DEPTOR: variants seen among roughly 807,000 people sequenced by gnomAD.
DEPTOR encodes the protein DEP domain-containing mTOR-interacting protein.
A neutral mutation model predicts 41.6 loss-of-function variants in DEPTOR; 41 were observed. That is an observed-to-expected ratio of 0.98 (90% confidence interval 0.77 to 1.28). DEPTOR has a LOEUF of 1.28. Among genes scored for constraint, DEPTOR ranks in the 50% most tolerant of loss-of-function variants. The probability of loss-of-function intolerance (pLI) is 0.00; values close to 1 mark genes in which losing one functional copy is unlikely to be tolerated. For missense variants in DEPTOR, 514 were observed against 527.9 expected, an observed-to-expected ratio of 0.97 and a Z score of 0.26; for synonymous variants, 195 against 192.3, an observed-to-expected ratio of 1.01 and a Z score of -0.12.
intron 1 of DEPTOR, among the ~76,000 whole-genome samples, chr8:119,875,840 A>T (rs7001930): frequency 0.87 from 132,581 of 152,212 alleles, 57,911 homozygotes; most frequent in East Asian, 0.97. Flanking sequence ...AAGGTGCAGA[A>T]CCTGAACTAA....
intron 3 of DEPTOR, among the ~76,000 whole-genome samples, chr8:119,951,193 T>C (rs1828349208): frequency 6.6e-6 from 1 of 152,204 alleles, no homozygotes; most frequent in Non-Finnish European, 1.5e-5. Flanking sequence ...TGTTTTGGTA[T>C]CAATTTCTTC....
intron 8 of DEPTOR, among the ~76,000 whole-genome samples, chr8:120,029,408 T>C (rs779225403): frequency 2.0e-5 from 3 of 152,174 alleles, no homozygotes; most frequent in Non-Finnish European, 4.4e-5. Context: ...TATTTATTTA[T>C]TTATTGAGAC....
rs1001692850 is a variant in DEPTOR at position 119,995,469 on chromosome 8, C to T, written c.605-6056C>T. Among the ~76,000 whole-genome samples the T allele has an allele frequency of 9.2e-5, 14 of 151,758 alleles. 1 individual carries two copies. In the South Asian group the frequency reaches 2.5e-3, roughly 27 times the overall value. Reference sequence around the variant, plus strand: ...GGCCTGGTGGTAGGTGCCTATAATCCCAGCTACTTGGGGGACTAAGGCAGG... The same window carrying T: ...GGCCTGGTGGTAGGTGCCTATAATCTCAGCTACTTGGGGGACTAAGGCAGG... On this transcript the variant is annotated intron_variant, in intron 4 of 8. Coordinates refer to ENST00000286234, the MANE Select transcript of DEPTOR (RefSeq NM_022783.4).
At chr8:119,919,442 A>C (rs1320491031) in intron 1 of DEPTOR, among the ~76,000 whole-genome samples, 1 of 152,204 alleles carries the variant, frequency 6.6e-6, no homozygotes, top group South Asian at 2.1e-4. Context: ...ATTTTTATAT[A>C]TATTTGAATT....
chr8:119,982,807 G>A (rs563020487), intron 4 of DEPTOR, among the ~76,000 whole-genome samples: 6 of 152,298 alleles, frequency 3.9e-5, no homozygotes, highest in African/African-American at 1.4e-4. Context: ...TTTTATCTGG[G>A]AAGGGCAGTC....
intron 1 of DEPTOR, among the ~76,000 whole-genome samples, chr8:119,894,323 C>T (rs1220032852): frequency 6.6e-6 from 1 of 152,158 alleles, no homozygotes; most frequent in Non-Finnish European, 1.5e-5. Flanking sequence ...ACGTCGGCCT[C>T]CCAAGGTGCT....
chr8:119,943,688 C>G (rs1181756027), intron 3 of DEPTOR, among the ~76,000 whole-genome samples: 3 of 152,114 alleles, frequency 2.0e-5, no homozygotes, highest in Non-Finnish European at 4.4e-5. Flanking sequence ...ACTGGTCTCT[C>G]TCTACAATCC....
intron 8 of DEPTOR, among the ~76,000 whole-genome samples, chr8:120,014,873 C>T (rs1344406223): frequency 6.6e-6 from 1 of 150,872 alleles, no homozygotes; most frequent in Non-Finnish European, 1.5e-5. Context: ...TAAACGTTAA[C>T]GTTGGTTTCA....
Position 119,999,416 on chromosome 8 carries a change from G to T in DEPTOR, c.605-2109G>T, listed in dbSNP as rs543983720. ...ACATGCTGTATGAGGGCTAGCTCTT[G>T]TTATTACTGACTTCAAGTTGACACA... On this transcript the variant is annotated intron_variant, in intron 4 of 8. Transcript: ENST00000286234. Among the ~76,000 whole-genome samples the T allele has an allele frequency of 6.4e-4, 98 of 152,340 alleles. 1 individual carries two copies. Among genetic ancestry groups the T allele is most frequent in the African/African-American group, 2.2e-3 (91 of 41,582 alleles).
At chr8:120,020,112 G>C (rs1371749446) in intron 8 of DEPTOR, among the ~76,000 whole-genome samples, 1 of 151,996 alleles carries the variant, frequency 6.6e-6, no homozygotes, top group Non-Finnish European at 1.5e-5. Flanking sequence ...TTTTGAGACA[G>C]AGTCTCACTC....
intron 8 of DEPTOR, among the ~76,000 whole-genome samples, chr8:120,012,684 G>C (rs58564644): frequency 6.6e-6 from 1 of 151,614 alleles, no homozygotes; most frequent in South Asian, 2.1e-4. Context: ...CTACAGGCAC[G>C]CACCACCATG....
chr8:120,031,540 C>T (rs1313682403), intron 8 of DEPTOR, among the ~76,000 whole-genome samples: 2 of 151,758 alleles, frequency 1.3e-5, no homozygotes, highest in African/African-American at 4.8e-5. Flanking sequence ...GATTTCATGC[C>T]CATCCCTTCC....
intron 1 of DEPTOR, among the ~76,000 whole-genome samples, chr8:119,906,915 A>C (rs956286034): frequency 6.6e-6 from 1 of 152,148 alleles, no homozygotes; most frequent in Non-Finnish European, 1.5e-5. Flanking sequence ...TGTGCATTAC[A>C]TGGTGCCTGT....
chr8:119,890,739 T>C (rs954793805), intron 1 of DEPTOR, among the ~76,000 whole-genome samples: 1 of 152,196 alleles, frequency 6.6e-6, no homozygotes, highest in African/African-American at 2.4e-5. Flanking sequence ...ATTATCTCCA[T>C]TTTAAAATGG....
intron 5 of DEPTOR, among the ~76,000 whole-genome samples, 165 bp from the exon 6 acceptor site, chr8:120,002,812 A>ATATATATATAT (rs71306853): frequency 3.1e-5 from 4 of 130,102 alleles, no homozygotes; most frequent in Non-Finnish European, 4.8e-5. Context: ...ATATATATAT[A>ATATATATATAT]ATATAAAGTA....
intron 1 of DEPTOR, among the ~76,000 whole-genome samples, chr8:119,897,733 G>A (rs1227238003): frequency 6.6e-6 from 1 of 152,148 alleles, no homozygotes; most frequent in Non-Finnish European, 1.5e-5. Context: ...GGATCTGTTT[G>A]ATCTGCTTGC....
intron 6 of DEPTOR, among the ~76,000 whole-genome samples, chr8:120,004,012 C>T (rs562227959): frequency 2.0e-5 from 3 of 152,308 alleles, no homozygotes; most frequent in East Asian, 3.9e-4. Flanking sequence ...TTGTCACCTT[C>T]GAGGAAGAGG....
At chr8:119,874,010 C>G in intron 1 of DEPTOR, 42 bp downstream of exon 1, 1 of 1,610,960 alleles carries the variant, frequency 6.2e-7, no homozygotes, top group Non-Finnish European at 8.5e-7. Context: ...GATGGCACTG[C>G]CAACGCGTGC....
At chr8:119,942,055 C>G (rs1563971710) in intron 3 of DEPTOR, among the ~76,000 whole-genome samples, 1 of 152,208 alleles carries the variant, frequency 6.6e-6, no homozygotes, top group Non-Finnish European at 1.5e-5. Flanking sequence ...CCCCCTCCCC[C>G]TGCTGTAACA....
Sources: allele counts gnomAD v4.1 joint callset (sites outside exome capture counted in the v4.1 genomes callset), GRCh38; gene constraint gnomAD v4.1.1; transcripts MANE v1.5; gene names NCBI Gene and HGNC (gene_info 2026-07-23, HGNC 2026-07-21).